The following DCAF6 variants were observed in gnomAD, a reference collection of about 807,000 sequenced individuals.
The protein encoded by DCAF6 is DDB1 and CUL4 associated factor 6.
A neutral mutation model predicts 125.1 loss-of-function variants in DCAF6; 54 were observed. That is an observed-to-expected ratio of 0.43 (90% CI 0.35 to 0.54). The LOEUF (loss-of-function observed/expected upper bound fraction) is 0.54, where lower values mean the gene tolerates loss of function less well. Ranked by LOEUF, DCAF6 falls within the 20% of genes least tolerant of loss-of-function variation. DCAF6 has a pLI of 0.01. For missense variants in DCAF6, 934 were observed against 1,161.7 expected (o/e 0.80, Z 2.85); for synonymous variants, 371 against 390.4 (o/e 0.95, Z 0.58).
At chr1:167,894,345 G>C in the DCAF6 span, among the ~76,000 whole-genome samples, 1 of 152,170 alleles carries the variant, frequency 6.6e-6, no homozygotes, top group Non-Finnish European at 1.5e-5. Flanking sequence ...ACATTAAGAA[G>C]ACTGGTTTCT....
chr1:167,866,283 G>A, the DCAF6 span, among the ~76,000 whole-genome samples: 8,984 of 152,190 alleles, frequency 0.059, 822 homozygotes, highest in African/African-American at 0.2. Flanking sequence ...TAGGTCTTTC[G>A]ACTCTCACGT....
chr1:167,898,861 C>T, the DCAF6 span, among the ~76,000 whole-genome samples: 2 of 152,090 alleles, frequency 1.3e-5, no homozygotes, highest in Non-Finnish European at 2.9e-5. Flanking sequence ...ACTTTCATAC[C>T]CTCAAAGCAC....
intron 3 of DCAF6, among the ~76,000 whole-genome samples, chr1:167,972,980 A>T (rs577821824): frequency 1.3e-5 from 2 of 152,238 alleles, no homozygotes. Context: ...GAGGTAAATC[A>T]TAAATTTTTA....
chr1:167,870,020 T>G, the DCAF6 span, among the ~76,000 whole-genome samples: 32 of 152,328 alleles, frequency 2.1e-4, no homozygotes, highest in Non-Finnish European at 4.1e-4. Flanking sequence ...CTTAGGAAAC[T>G]TTAAATAACC....
chr1:168,050,974 G>A, intron 17 of DCAF6, 41 bp downstream of exon 17: 2 of 1,115,144 alleles, frequency 1.8e-6, no homozygotes, highest in South Asian at 2.3e-5. Flanking sequence ...TTTTATGATG[G>A]ATTTGCCAGG....
chr1:167,880,229 A>C, the DCAF6 span: 2 of 1,556,264 alleles, frequency 1.3e-6, no homozygotes, highest in Non-Finnish European at 1.8e-6. Flanking sequence ...GGAAAGAAAT[A>C]AAGATAATGA....
chr1:167,908,830 T>G, the DCAF6 span, among the ~76,000 whole-genome samples: 1 of 152,220 alleles, frequency 6.6e-6, no homozygotes, highest in African/African-American at 2.4e-5. Context: ...TGTTTAGAGT[T>G]TTTAACAAAA....
the DCAF6 span, among the ~76,000 whole-genome samples, chr1:167,866,530 CAAAAAAAAA>C: frequency 9.0e-6 from 1 of 110,774 alleles, no homozygotes; most frequent in Non-Finnish European, 2.0e-5. Flanking sequence ...CTCTATGTGC[CAAAAAAAAA>C]AAAAAAAAAA....
At chr1:168,046,431 C>T (rs535252603) in intron 16 of DCAF6, among the ~76,000 whole-genome samples, 3 of 152,244 alleles carry the variant, frequency 2.0e-5, no homozygotes, top group African/African-American at 7.2e-5. Flanking sequence ...TAGCTTGCAG[C>T]TCAGGGGAAC....
the DCAF6 span, among the ~76,000 whole-genome samples, chr1:167,896,141 T>C: frequency 6.6e-6 from 1 of 152,086 alleles, no homozygotes; most frequent in Admixed American, 6.6e-5. Context: ...GCGTAGAAGC[T>C]AGGTGTCAGC....
chr1:167,900,614 C>A, the DCAF6 span, among the ~76,000 whole-genome samples: 1 of 151,910 alleles, frequency 6.6e-6, no homozygotes, highest in Non-Finnish European at 1.5e-5. Context: ...CTCACTGCAA[C>A]CTCCGCCTCC....
chr1:168,033,826 A>G (rs1296324189), intron 12 of DCAF6, among the ~76,000 whole-genome samples: 1 of 152,232 alleles, frequency 6.6e-6, no homozygotes, highest in African/African-American at 2.4e-5. Flanking sequence ...AATAACCATA[A>G]TTACTGAGCA....
chr1:167,985,453 T>G (rs981305845), intron 4 of DCAF6, among the ~76,000 whole-genome samples: 2 of 152,054 alleles, frequency 1.3e-5, no homozygotes, highest in African/African-American at 4.8e-5. Flanking sequence ...CATCTTGAGA[T>G]CTCTTTCTTT....
the DCAF6 span, among the ~76,000 whole-genome samples, chr1:167,898,595 T>A: frequency 6.1e-3 from 3 of 494 alleles, no homozygotes; most frequent in Admixed American, 0.19. Context: ...CGAGACTCCG[T>A]TTTTTTTTTT....
the DCAF6 span, among the ~76,000 whole-genome samples, chr1:167,880,976 C>A: frequency 6.6e-6 from 1 of 152,166 alleles, no homozygotes; most frequent in Non-Finnish European, 1.5e-5. Context: ...ATCAGAAAGT[C>A]TCTGTCCTCA....
At chr1:167,902,491 C>T in the DCAF6 span, among the ~76,000 whole-genome samples, 1 of 152,340 alleles carries the variant, frequency 6.6e-6, no homozygotes, top group Non-Finnish European at 1.5e-5. Flanking sequence ...ACCATAGTCA[C>T]TTGCATTTTT....
chr1:167,910,825 CT>C, the DCAF6 span, among the ~76,000 whole-genome samples: 6 of 152,176 alleles, frequency 3.9e-5, no homozygotes, highest in African/African-American at 1.4e-4. Flanking sequence ...ACTGGCTCAA[CT>C]TTGACTTCTT....
chr1:167,993,477 C>T (rs760598765), intron 7 of DCAF6, 37 bp downstream of exon 7: 10 of 1,562,150 alleles, frequency 6.4e-6, no homozygotes, highest in Middle Eastern at 1.7e-4. Context: ...TGGCCGGGCG[C>T]GGTGGCTCAC....
At chr1:167,873,937 A>G in the DCAF6 span, among the ~76,000 whole-genome samples, 4 of 152,240 alleles carry the variant, frequency 2.6e-5, no homozygotes, top group African/African-American at 9.6e-5. Context: ...CAGTAGAAAC[A>G]AATGACAAAG....
Sources: gnomAD v4.1 joint callset for allele counts (sites outside exome capture counted in the v4.1 genomes callset) on GRCh38, gnomAD v4.1.1 for gene constraint, MANE v1.5 for transcripts, NCBI Gene and HGNC (gene_info 2026-07-23, HGNC 2026-07-21) for gene names.